Variants in SEMA4F observed in about 807,000 individuals in gnomAD.
SEMA4F encodes semaphorin-4F.
SEMA4F carries 51 observed loss-of-function variants against 78.4 expected under a neutral mutation model. That is an observed-to-expected ratio of 0.65 (90% CI 0.52 to 0.82). SEMA4F has a LOEUF of 0.82. SEMA4F is among the 40% of genes least tolerant of loss of function. The probability of loss-of-function intolerance (pLI) is 0.00; values close to 1 mark genes in which losing one functional copy is unlikely to be tolerated. For missense variants in SEMA4F, 938 were observed against 1,014.4 expected, an observed-to-expected ratio of 0.92 and a Z score of 1.02; for synonymous variants, 418 against 408.7, an observed-to-expected ratio of 1.02 and a Z score of -0.27.
chr2:74,708,990 T>G, the SEMA4F span, among the ~76,000 whole-genome samples: 1 of 151,924 alleles, frequency 6.6e-6, no homozygotes, highest in Non-Finnish European at 1.5e-5. Context: ...ACATGACAAA[T>G]TCCTGTCTCT....
At chr2:74,698,429 T>C in the SEMA4F span, among the ~76,000 whole-genome samples, 6 of 152,220 alleles carry the variant, frequency 3.9e-5, no homozygotes, top group Non-Finnish European at 5.9e-5. Flanking sequence ...TTCATGGAGC[T>C]GGCTGTAAGT....
the SEMA4F span, among the ~76,000 whole-genome samples, chr2:74,693,807 T>C: frequency 6.6e-6 from 1 of 152,214 alleles, no homozygotes; most frequent in East Asian, 1.9e-4. Context: ...TTTTTTTTAT[T>C]GCTACAGTGT....
chr2:74,667,560 C>T (rs1684757060), intron 5 of SEMA4F, among the ~76,000 whole-genome samples: 1 of 152,278 alleles, frequency 6.6e-6, no homozygotes, highest in Admixed American at 6.5e-5. Flanking sequence ...TTTATTGGTA[C>T]TTCTATTTCT....
At position 74,675,265 on chromosome 2, in the gene SEMA4F, T is replaced by C. The variant is rs1685207906; in HGVS notation, c.1253T>C (p.Val418Ala). ...IRDHPLMDRP[V>A]FPADGHPLLV... ...GACCACCCACTCATGGACAGGCCAG[T>C]GTTTCCAGCTGATGGCCACCCCCTG... The change falls in exon 10 of 14, where the codon GTG becomes GCG. Residue 418 changes from valine (V) to alanine (A), a missense_variant. Physicochemically the swap from Val to Ala is moderately conservative, Grantham distance 64 (BLOSUM62 0). Transcript: ENST00000357877. 1 of 1,614,086 alleles carries C rather than the reference T, an allele frequency of 6.2e-7. No individual in the cohort carries two copies. Among genetic ancestry groups the C allele is most frequent in the Non-Finnish European group, 8.5e-7 (1 of 1,180,046 alleles).
the SEMA4F span, among the ~76,000 whole-genome samples, chr2:74,708,017 C>T: frequency 6.6e-6 from 1 of 152,058 alleles, no homozygotes; most frequent in East Asian, 1.9e-4. Flanking sequence ...CCAGTTCCCA[C>T]CTGCCAGATT....
the SEMA4F span, among the ~76,000 whole-genome samples, chr2:74,704,147 G>A: frequency 6.6e-6 from 1 of 151,962 alleles, no homozygotes; most frequent in Non-Finnish European, 1.5e-5. Flanking sequence ...GGTGAGGTAG[G>A]TGCTAAGTTT....
chr2:74,654,362 C>T lies in SEMA4F; in HGVS notation c.-15C>T. The T allele has an allele frequency of 6.8e-7, 1 of 1,480,316 alleles. No individual in the cohort carries two copies. Among genetic ancestry groups the T allele is most frequent in the Non-Finnish European group, 8.9e-7 (1 of 1,122,872 alleles). 91.7% of individuals were successfully genotyped at this position (1,480,316 alleles called of 1,614,324 possible). A position where few individuals can be genotyped will look rare whatever the true frequency, so the allele number is the denominator to read the frequency against. ...CCGTAGCTTGCGCCGCACCCGCGGC[C>T]AGGCGGAGCCAAAGATGCCGGCCTC... On this transcript the variant is annotated 5_prime_UTR_variant, in exon 1 of 14. Coordinates refer to ENST00000357877, the MANE Select transcript of SEMA4F (RefSeq NM_004263.5).
intron 1 of SEMA4F, 34 bp downstream of exon 1, chr2:74,654,555 G>A: frequency 2.6e-6 from 4 of 1,512,130 alleles, no homozygotes; most frequent in Non-Finnish European, 3.5e-6. Flanking sequence ...TCAGCCCTTC[G>A]CGCCCACACC....
rs1479244983 is a variant in SEMA4F, at chr2:74,679,534, CTT to C, written c.1703-62_1703-61del. 10 of 1,550,192 alleles carry C rather than the reference CTT, an allele frequency of 6.5e-6. No homozygotes were observed. The East Asian group carries it at 1.8e-4, about 28-fold the overall frequency. On this transcript the variant is annotated intron_variant, in intron 13 of 13. Coordinates refer to ENST00000357877, the MANE Select transcript of SEMA4F (RefSeq NM_004263.5). Reference sequence around the variant, plus strand: ...TTTTCATGTCCGACATCACCCCACACTTTTCTTCATCACACCTCCAGCCTTTA... The same window carrying C: ...TTTTCATGTCCGACATCACCCCACACTTCTTCATCACACCTCCAGCCTTTA...
Position 74,654,477 on chromosome 2 carries a change from G to A in SEMA4F, c.101G>A (p.Gly34Asp). 6.4e-7 allele frequency: 1 copy of A among 1,574,760 alleles called. No individual in the cohort carries two copies. Residue 34 changes from glycine (G) to aspartate (D), a missense_variant, in exon 1 of 14, where the codon GGC becomes GAC. Coordinates refer to ENST00000357877, the MANE Select transcript of SEMA4F (RefSeq NM_004263.5). ...LLAVLSGPVS[G>D]RVPRSVPRTS... is the part of the protein sequence containing the mutation. ...GCGGTGCTGAGCGGCCCGGTATCCGGCCGCGTCCCCCGCTCGGTGCCCAGA... is the reference window on the plus strand; with the variant it reads ...GCGGTGCTGAGCGGCCCGGTATCCGACCGCGTCCCCCGCTCGGTGCCCAGA...
chr2:74,666,812 T>C (rs1322517824), intron 5 of SEMA4F, among the ~76,000 whole-genome samples: 2 of 152,170 alleles, frequency 1.3e-5, no homozygotes, highest in East Asian at 3.8e-4. Context: ...TATTTTGAAA[T>C]GAAAAGAGCT....
chr2:74,677,376 G>T (rs1685350294), intron 12 of SEMA4F, among the ~76,000 whole-genome samples: 1 of 151,870 alleles, frequency 6.6e-6, no homozygotes, highest in South Asian at 2.1e-4. Flanking sequence ...GCAAATCCTG[G>T]ACATCATTTC....
At chr2:74,676,362 C>A (rs1466491158) in intron 12 of SEMA4F, among the ~76,000 whole-genome samples, 1 of 152,212 alleles carries the variant, frequency 6.6e-6, no homozygotes, top group African/African-American at 2.4e-5. Context: ...CATGCACTCT[C>A]TAGGCAGTTT....
In SEMA4F at chr2:74,665,630, A is replaced by G. The variant is rs144178638; in HGVS notation, c.550+2805A>G. Reference sequence around the variant, plus strand: ...ATAAAGTATATATTGACTAAATACAATATTTTGAGTTGTCATGATTATCAT... The same window carrying G: ...ATAAAGTATATATTGACTAAATACAGTATTTTGAGTTGTCATGATTATCAT... On this transcript the variant is annotated intron_variant, in intron 5 of 13. Coordinates refer to ENST00000357877, the MANE Select transcript of SEMA4F (RefSeq NM_004263.5). 2.2e-3 allele frequency among the ~76,000 whole-genome samples: 337 copies of G among 152,332 alleles called. 2 individuals are homozygous for G. The highest frequency in any genetic ancestry group is 6.8e-3 in the Middle Eastern group (2 of 294).
chr2:74,685,832 T>G (rs571252035), downstream of SEMA4F, among the ~76,000 whole-genome samples: 2 of 152,126 alleles, frequency 1.3e-5, no homozygotes, highest in Admixed American at 1.3e-4. Context: ...AGGGCGAATA[T>G]CCAGGATCTA....
intron 5 of SEMA4F, among the ~76,000 whole-genome samples, chr2:74,666,425 T>A (rs1281482368): frequency 6.6e-6 from 1 of 151,164 alleles, no homozygotes; most frequent in Non-Finnish European, 1.5e-5. Context: ...TTTTTTTTTT[T>A]AAATAAAATT....
Position 74,683,254 on chromosome 2 carries a change from C to T in SEMA4F, c.*3045C>T, listed in dbSNP as rs573655456. 6.4e-4 allele frequency: 98 copies of T among 152,298 alleles called. No homozygotes were observed. The highest frequency in any genetic ancestry group is 2.3e-3 in the African/African-American group (94 of 41,562). 9.4% of individuals were successfully genotyped at this position (152,298 alleles called of 1,614,324 possible). A position where few individuals can be genotyped will look rare whatever the true frequency, so the allele number is the denominator to read the frequency against. ...TGAGGCCTCAGGCCTTCATTAGGCA[C>T]GTTGCATGTCTGTCAAGTAAGGGCC... On this transcript the variant is annotated 3_prime_UTR_variant, in exon 14 of 14. Transcript: ENST00000357877.
At chr2:74,707,814 G>A in the SEMA4F span, among the ~76,000 whole-genome samples, 1 of 152,134 alleles carries the variant, frequency 6.6e-6, no homozygotes, top group Admixed American at 6.5e-5. Flanking sequence ...AGAGTATGGG[G>A]AGACCAAAGC....
chr2:74,674,784 G>T, intron 8 of SEMA4F, 104 bp from the exon 9 acceptor site: 1 of 1,552,202 alleles, frequency 6.4e-7, no homozygotes, highest in Non-Finnish European at 8.7e-7. Context: ...GCCTTTGGCT[G>T]CATGGCTCCC....
Sources: gnomAD v4.1 joint callset for allele counts (sites outside exome capture counted in the v4.1 genomes callset) on GRCh38, gnomAD v4.1.1 for gene constraint, MANE v1.5 for transcripts, NCBI Gene and HGNC (gene_info 2026-07-23, HGNC 2026-07-21) for gene names.